The following CREB5 variants were observed in gnomAD, a reference collection of about 807,000 sequenced individuals.
CREB5 encodes the protein cAMP responsive element binding protein 5.
CREB5 carries 19 observed loss-of-function variants against 57.1 expected under a neutral mutation model. That is an observed-to-expected ratio of 0.33 (90% CI 0.23 to 0.49). The LOEUF is 0.49. CREB5 is among the 20% of genes least tolerant of loss of function. The pLI, the probability that CREB5 is intolerant of heterozygous loss-of-function variation, is 0.99. For synonymous variants in CREB5, 238 were observed against 238.3 expected, an observed-to-expected ratio of 1.00 and a Z score of 0.01; for missense variants, 579 against 671.6, an observed-to-expected ratio of 0.86 and a Z score of 1.52.
At chr7:28,523,089 C>T (rs556259235) in intron 4 of CREB5, among the ~76,000 whole-genome samples, 2 of 152,230 alleles carry the variant, frequency 1.3e-5, no homozygotes, top group East Asian at 3.9e-4. Flanking sequence ...TCTAAAAGAC[C>T]AATGTCTGCT....
intron 5 of CREB5, among the ~76,000 whole-genome samples, chr7:28,617,830 C>T (rs781220941): frequency 5.9e-5 from 9 of 152,186 alleles, no homozygotes; most frequent in Non-Finnish European, 1.3e-4. Context: ...TTATCACCAA[C>T]AAATATTTAT....
At chr7:28,424,701 G>A (rs2128012193) in intron 1 of CREB5, among the ~76,000 whole-genome samples, 1 of 152,302 alleles carries the variant, frequency 6.6e-6, no homozygotes, top group Admixed American at 6.5e-5. Context: ...TACAACTATA[G>A]TTTGCCACTC....
intron 4 of CREB5, among the ~76,000 whole-genome samples, chr7:28,568,714 T>A (rs553305115): frequency 7.0e-4 from 106 of 152,224 alleles, no homozygotes; most frequent in Middle Eastern, 6.8e-3. Context: ...AGGCTCACAG[T>A]CTAAGCCAGG....
At chr7:28,470,854 C>T (rs1790776139) in intron 1 of CREB5, among the ~76,000 whole-genome samples, 1 of 152,116 alleles carries the variant, frequency 6.6e-6, no homozygotes, top group Non-Finnish European at 1.5e-5. Context: ...TTTCATATGT[C>T]GGTTTGCTAT....
chr7:28,491,140 C>G, intron 2 of CREB5: 4 of 874,698 alleles, frequency 4.6e-6, no homozygotes, highest in Non-Finnish European at 5.5e-6. Context: ...CTTTCAAGAG[C>G]ACTAGGCAGT....
chr7:28,623,043 C>T (rs765309849), intron 5 of CREB5, among the ~76,000 whole-genome samples: 40 of 152,100 alleles, frequency 2.6e-4, no homozygotes, highest in South Asian at 1.3e-3. Context: ...CCACCATGCC[C>T]GGCTAATTTT....
chr7:28,639,148 T>A (rs1798546054), intron 5 of CREB5, among the ~76,000 whole-genome samples: 1 of 152,206 alleles, frequency 6.6e-6, no homozygotes, highest in Non-Finnish European at 1.5e-5. Context: ...AGACTAATGA[T>A]TTCAGCCTCT....
At chr7:28,417,309 T>C (rs1788067032) in intron 1 of CREB5, among the ~76,000 whole-genome samples, 1 of 152,056 alleles carries the variant, frequency 6.6e-6, no homozygotes. Flanking sequence ...ATATAATCCA[T>C]ATAAAAATGT....
At chr7:28,556,395 G>C (rs1169457673) in intron 4 of CREB5, among the ~76,000 whole-genome samples, 2 of 152,122 alleles carry the variant, frequency 1.3e-5, no homozygotes, top group African/African-American at 4.8e-5. Context: ...TCATCTTTGT[G>C]GGGTGGAGCC....
chr7:28,445,198 C>T (rs553501945), intron 1 of CREB5, among the ~76,000 whole-genome samples: 2 of 152,268 alleles, frequency 1.3e-5, no homozygotes, highest in African/African-American at 2.4e-5. Context: ...CGTGGAACTG[C>T]GAGTCAATTA....
intron 7 of CREB5, among the ~76,000 whole-genome samples, chr7:28,735,791 A>G (rs906464656): frequency 4.6e-5 from 7 of 151,772 alleles, no homozygotes; most frequent in African/African-American, 1.7e-4. Context: ...GGGCCATATT[A>G]CTGTGTGCTT....
rs56149219 is a variant in CREB5, at chr7:28,385,676, CA to C, written c.-25+86247del. On this transcript the variant is annotated intron_variant, in intron 1 of 9. Coordinates refer to the CREB5 transcript ENST00000396299. Reference sequence around the variant, plus strand: ...TGTGTGACAGAAAGAGACCCTGTCTCAAAAAAAAAAAAGTATGTATATGAGA... The same window carrying C: ...TGTGTGACAGAAAGAGACCCTGTCTCAAAAAAAAAAAGTATGTATATGAGA... 2.6e-3 allele frequency among the ~76,000 whole-genome samples: 331 copies of C among 128,496 alleles called. 1 individual carries two copies. The highest frequency in any genetic ancestry group is 6.4e-3 in the African/African-American group (212 of 33,158). 84.3% of individuals were successfully genotyped at this position (128,496 alleles called of 152,430 possible). A position where few individuals can be genotyped will look rare whatever the true frequency, so the allele number is the denominator to read the frequency against.
At chr7:28,580,592 TGAGAGA>T (rs201639370) in intron 5 of CREB5, among the ~76,000 whole-genome samples, 26 of 143,834 alleles carry the variant, frequency 1.8e-4, no homozygotes, top group African/African-American at 4.1e-4. Flanking sequence ...TGTGTGTGTG[TGAGAGA>T]GAGATAGACA....
At chr7:28,464,873 C>A (rs750486083) in intron 1 of CREB5, among the ~76,000 whole-genome samples, 33 of 152,080 alleles carry the variant, frequency 2.2e-4, no homozygotes, top group Non-Finnish European at 4.4e-4. Flanking sequence ...ACTTAACATA[C>A]GTAGCTGTTA....
chr7:28,435,091 C>CTTT (rs397702746), intron 1 of CREB5, among the ~76,000 whole-genome samples: 8 of 132,778 alleles, frequency 6.0e-5, no homozygotes, highest in South Asian at 2.4e-4. Context: ...GGCCACCTGG[C>CTTT]TTTTTTTTTT....
At chr7:28,517,312 T>C (rs558001389) in intron 4 of CREB5, among the ~76,000 whole-genome samples, 1 of 152,132 alleles carries the variant, frequency 6.6e-6, no homozygotes, top group Admixed American at 6.5e-5. Context: ...GGTATGGGAG[T>C]GATTTACTCT....
chr7:28,313,085 C>T (rs1438999039), intron 1 of CREB5, among the ~76,000 whole-genome samples: 2 of 152,222 alleles, frequency 1.3e-5, no homozygotes, highest in African/African-American at 2.4e-5. Flanking sequence ...TGCTGAACCT[C>T]AATCCCAGAG....
intron 1 of CREB5, among the ~76,000 whole-genome samples, chr7:28,349,515 G>A (rs1461718812): frequency 6.6e-6 from 1 of 151,986 alleles, no homozygotes; most frequent in South Asian, 2.1e-4. Flanking sequence ...AGGAGAAAGG[G>A]CCAATAGGGA....
In CREB5 at chr7:28,818,053, A is replaced by C; in HGVS notation, c.1255-18A>C. 1 of 1,600,210 alleles carries C rather than the reference A, an allele frequency of 6.2e-7. No individual in the cohort carries two copies. The highest frequency in any genetic ancestry group is 8.6e-7 in the Non-Finnish European group (1 of 1,169,484). On this transcript the variant is annotated intron_variant, in intron 9 of 10. Transcript: ENST00000357727. Reference sequence around the variant, plus strand: ...CCTCTGGTCTTCTCAACATGGTTTTAATACATATCTCTTTTAGAATGAAGT... The same window carrying C: ...CCTCTGGTCTTCTCAACATGGTTTTCATACATATCTCTTTTAGAATGAAGT...
Sources: gnomAD v4.1 joint callset for allele counts (sites outside exome capture counted in the v4.1 genomes callset) on GRCh38, gnomAD v4.1.1 for gene constraint, MANE v1.5 for transcripts, NCBI Gene and HGNC (gene_info 2026-07-23, HGNC 2026-07-21) for gene names.